The following CSMD1 variants were observed in gnomAD, a reference collection of about 807,000 sequenced individuals.
The protein encoded by CSMD1 is CUB and Sushi multiple domains 1.
CSMD1 carries 213 observed loss-of-function variants against 417.5 expected under a neutral mutation model. The ratio of observed to expected loss-of-function variants is 0.51; its 90% confidence interval spans 0.46 to 0.57. The LOEUF (loss-of-function observed/expected upper bound fraction) is 0.57, where lower values mean the gene tolerates loss of function less well. Among genes scored for constraint, CSMD1 ranks in the 20% least tolerant of loss-of-function variants. CSMD1 has a pLI of 0.00. For synonymous variants in CSMD1, 2,862 were observed against 1,736.8 expected (o/e 1.65, Z -16.11); for missense variants, 6,923 against 4,529.7 (o/e 1.53, Z -15.17).
intron 3 of CSMD1, among the ~76,000 whole-genome samples, chr8:4,034,141 T>C (rs1293010091): frequency 6.6e-6 from 1 of 152,236 alleles, no homozygotes; most frequent in South Asian, 2.1e-4. Flanking sequence ...TATTAGTTTT[T>C]AAACTGAGTA....
At chr8:4,622,679 G>C (rs563066453) in intron 2 of CSMD1, among the ~76,000 whole-genome samples, 1 of 152,176 alleles carries the variant, frequency 6.6e-6, no homozygotes. Flanking sequence ...AAAAGACATT[G>C]TGGATGATGA....
intron 1 of CSMD1, among the ~76,000 whole-genome samples, chr8:4,795,080 G>A (rs1797902012): frequency 6.6e-6 from 1 of 151,758 alleles, no homozygotes; most frequent in Admixed American, 6.6e-5. Context: ...TATATGGAAG[G>A]TAATAGTGAA....
chr8:3,285,537 C>T (rs1803083129), intron 25 of CSMD1, among the ~76,000 whole-genome samples: 1 of 151,930 alleles, frequency 6.6e-6, no homozygotes, highest in African/African-American at 2.4e-5. Flanking sequence ...CAAGCATGAG[C>T]TGTCATGTTC....
rs113993152 is a variant in CSMD1, at chr8:3,934,812, A to T, written c.818+63091T>A. Among the ~76,000 whole-genome samples the T allele has an allele frequency of 3.9e-3, 593 of 152,268 alleles. 7 individuals are homozygous for T. The highest frequency in any genetic ancestry group is 0.014 in the African/African-American group (577 of 41,554). On this transcript the variant is annotated intron_variant, in intron 5 of 69. Transcript: ENST00000635120. ...CAGTGAGCCAAAATCACGCCACTGC[A>T]CTCCAGCCTGGGCAACAGAGCAAGA...
intron 41 of CSMD1, among the ~76,000 whole-genome samples, chr8:3,124,165 C>T (rs565451071): frequency 2.0e-4 from 31 of 151,946 alleles, no homozygotes; most frequent in Non-Finnish European, 4.3e-4. Context: ...AGCAGATTAG[C>T]CCATATGGGC....
rs963515424 is a variant in CSMD1 at position 3,223,876 on chromosome 8, G to A, written c.4346-9C>T. 7 of 1,613,346 alleles carry A rather than the reference G, an allele frequency of 4.3e-6. No individual in the cohort carries two copies. Among genetic ancestry groups the A allele is most frequent in the Non-Finnish European group, 5.9e-6 (7 of 1,179,518 alleles). ...ATTCCCTCCACAAGCAGCTGTCACA[G>A]AACAAAAGTTACAGAGAAAAAGTAA... On this transcript the variant is annotated splice_polypyrimidine_tract_variant and intron_variant, in intron 27 of 69. Coordinates refer to ENST00000635120, the MANE Select transcript of CSMD1 (RefSeq NM_033225.6).
intron 3 of CSMD1, among the ~76,000 whole-genome samples, chr8:4,087,477 C>T (rs1054785605): frequency 6.6e-6 from 1 of 152,130 alleles, no homozygotes; most frequent in Non-Finnish European, 1.5e-5. Context: ...CTTTTCTTTC[C>T]AAACCACCTG....
chr8:4,565,538 A>T (rs942123882), intron 2 of CSMD1, among the ~76,000 whole-genome samples: 1 of 151,902 alleles, frequency 6.6e-6, no homozygotes. Flanking sequence ...TGTTTGAGAC[A>T]AGCCTGGCCA....
intron 5 of CSMD1, among the ~76,000 whole-genome samples, chr8:3,880,454 T>C (rs1585132084): frequency 6.6e-6 from 1 of 152,206 alleles, no homozygotes; most frequent in Non-Finnish European, 1.5e-5. Context: ...TAAATTTTAA[T>C]TCTTGAGATA....
chr8:4,058,979 C>A (rs1411973188), intron 3 of CSMD1, among the ~76,000 whole-genome samples: 2 of 151,996 alleles, frequency 1.3e-5, no homozygotes, highest in South Asian at 2.1e-4. Flanking sequence ...CCCAAATCAA[C>A]ACAACACAAA....
chr8:3,141,290 G>C (rs1456081642), intron 41 of CSMD1, among the ~76,000 whole-genome samples: 1 of 152,180 alleles, frequency 6.6e-6, no homozygotes, highest in Non-Finnish European at 1.5e-5. Context: ...AATTATGACA[G>C]TGAAAGAAAC....
chr8:4,033,361 G>A (rs1273604997), intron 3 of CSMD1, among the ~76,000 whole-genome samples: 1 of 152,118 alleles, frequency 6.6e-6, no homozygotes, highest in Non-Finnish European at 1.5e-5. Flanking sequence ...AGAATGGCGT[G>A]AACCCGGGAG....
At chr8:4,081,154 C>T (rs974369612) in intron 3 of CSMD1, among the ~76,000 whole-genome samples, 6 of 152,160 alleles carry the variant, frequency 3.9e-5, no homozygotes, top group African/African-American at 1.4e-4. Context: ...ACTTCCCAGC[C>T]TCCAGCATTG....
At chr8:4,019,753 C>G (rs1796697535) in intron 4 of CSMD1, among the ~76,000 whole-genome samples, 1 of 151,964 alleles carries the variant, frequency 6.6e-6, no homozygotes. Flanking sequence ...GTAGTTTTCC[C>G]AATATTTCTG....
intron 5 of CSMD1, among the ~76,000 whole-genome samples, chr8:3,826,161 G>A (rs534682888): frequency 1.3e-5 from 2 of 152,122 alleles, no homozygotes; most frequent in South Asian, 4.2e-4. Context: ...TCAAAGTGAC[G>A]AGGCTTTGAC....
intron 5 of CSMD1, among the ~76,000 whole-genome samples, chr8:3,924,950 C>A (rs749477645): frequency 6.6e-6 from 1 of 152,036 alleles, no homozygotes; most frequent in Admixed American, 6.6e-5. Context: ...CCTTGAAGTT[C>A]TGCATTGCTT....
At chr8:4,806,068 C>A (rs1051816098) in intron 1 of CSMD1, among the ~76,000 whole-genome samples, 1 of 152,128 alleles carries the variant, frequency 6.6e-6, no homozygotes, top group Admixed American at 6.6e-5. Flanking sequence ...TTTTCGGTGT[C>A]ATTTACAGAC....
intron 2 of CSMD1, among the ~76,000 whole-genome samples, chr8:4,486,042 T>C (rs1177711907): frequency 5.3e-5 from 8 of 151,232 alleles, no homozygotes. Flanking sequence ...CCTGACTTCA[T>C]AAAGTAATAA....
chr8:4,025,347 C>G (rs1489499202), intron 4 of CSMD1, among the ~76,000 whole-genome samples: 1 of 152,174 alleles, frequency 6.6e-6, no homozygotes, highest in Non-Finnish European at 1.5e-5. Flanking sequence ...CCTTGTTTTG[C>G]ATTTGATCCT....
Sources: gnomAD v4.1 joint callset for allele counts (sites outside exome capture counted in the v4.1 genomes callset) on GRCh38, gnomAD v4.1.1 for gene constraint, MANE v1.5 for transcripts, NCBI Gene and HGNC (gene_info 2026-07-23, HGNC 2026-07-21) for gene names.